Variants in STK39 observed in about 807,000 individuals in gnomAD.
The protein encoded by STK39 is STE20/SPS1-related proline-alanine-rich protein kinase.
In STK39, 20 loss-of-function variants were observed where a neutral mutation model predicts 77.8. The observed-to-expected ratio is 0.26, with a 90% confidence interval of 0.18 to 0.37. The LOEUF (loss-of-function observed/expected upper bound fraction) is 0.37. Among genes scored for constraint, STK39 ranks in the 10% least tolerant of loss-of-function variants. The pLI, the probability that STK39 is intolerant of heterozygous loss-of-function variation, is 1.00. For missense variants in STK39, 479 were observed against 656.5 expected, an observed-to-expected ratio of 0.73 and a Z score of 2.95; for synonymous variants, 246 against 234.1, an observed-to-expected ratio of 1.05 and a Z score of -0.47.
At chr2:168,153,306 C>T (rs889546864) in intron 5 of STK39, among the ~76,000 whole-genome samples, 1 of 152,154 alleles carries the variant, frequency 6.6e-6, no homozygotes, top group Non-Finnish European at 1.5e-5. Context: ...CCTGCTCTCA[C>T]GGAGCTGACT....
chr2:168,167,445 T>C, intron 2 of STK39, 38 bp from the exon 3 acceptor site: 3 of 1,580,258 alleles, frequency 1.9e-6, no homozygotes, highest in Non-Finnish European at 2.6e-6. Context: ...TACCATGGGG[T>C]GAAAATTGGC....
chr2:168,099,832 A>G (rs905177556), intron 10 of STK39, among the ~76,000 whole-genome samples: 7 of 151,542 alleles, frequency 4.6e-5, no homozygotes, highest in South Asian at 2.1e-4. Flanking sequence ...GAAAAAAACC[A>G]TAATAGGAGA....
In STK39 at chr2:168,181,981, T is replaced by C. The variant is rs200093879; in HGVS notation, c.318A>G (p.Leu106=). Residue 106 remains leucine (L), a synonymous_variant, in exon 2 of 18, where the codon CTA becomes CTG. Coordinates refer to ENST00000355999, the MANE Select transcript of STK39 (RefSeq NM_013233.3). ...TATTCCCTGCACTGTTACTTACTAA[T>C]AGTTCATCCATACTGGTCTGGCATT... The part of the protein sequence containing the change: ...LEKCQTSMDE[L]LKEIQAMSQC... 47 of 1,613,268 alleles carry C rather than the reference T, an allele frequency of 2.9e-5. No homozygotes were observed. The highest frequency in any genetic ancestry group is 4.0e-5 in the Non-Finnish European group (47 of 1,179,384).
intron 10 of STK39, among the ~76,000 whole-genome samples, chr2:168,115,140 G>T (rs1488907569): frequency 1.3e-5 from 2 of 152,118 alleles, no homozygotes; most frequent in African/African-American, 4.8e-5. Context: ...AGAACCACCA[G>T]AAGATCTGGA....
chr2:168,008,846 A>G (rs1417623213), intron 16 of STK39, among the ~76,000 whole-genome samples: 2 of 152,178 alleles, frequency 1.3e-5, no homozygotes, highest in Admixed American at 6.5e-5. Flanking sequence ...GGCATTGTCA[A>G]CTACGCCCAA....
chr2:168,013,255 T>G (rs887809987), intron 15 of STK39, among the ~76,000 whole-genome samples: 1 of 152,350 alleles, frequency 6.6e-6, no homozygotes, highest in South Asian at 2.1e-4. Flanking sequence ...AACAGATACA[T>G]TGTCTTAGAA....
At chr2:168,005,408 G>A (rs984910633) in intron 16 of STK39, among the ~76,000 whole-genome samples, 5 of 133,546 alleles carry the variant, frequency 3.7e-5, no homozygotes, top group African/African-American at 1.3e-4. Context: ...GTGGGAAAAC[G>A]CAGAGAGGAA....
chr2:168,228,760 G>A (rs561702551), intron 1 of STK39, among the ~76,000 whole-genome samples: 1 of 152,212 alleles, frequency 6.6e-6, no homozygotes, highest in East Asian at 1.9e-4. Context: ...TTGCACTCCA[G>A]CCTGGACAAG....
chr2:168,221,671 T>G (rs1328522844), intron 1 of STK39, among the ~76,000 whole-genome samples: 2 of 152,144 alleles, frequency 1.3e-5, no homozygotes, highest in Admixed American at 1.3e-4. Context: ...ACCAGAGAAT[T>G]ACCTCAAAGG....
chr2:168,172,000 G>T, intron 2 of STK39, among the ~76,000 whole-genome samples: 1 of 152,050 alleles, frequency 6.6e-6, no homozygotes, highest in South Asian at 2.1e-4. Context: ...TGGAAGCTTG[G>T]CCTTGCCATT....
rs145961759 is a variant in STK39 at position 168,026,978 on chromosome 2, T to C, written c.1377-9883A>G. Among the ~76,000 whole-genome samples, 72 of 152,258 alleles carry C rather than the reference T, an allele frequency of 4.7e-4. No individual in the cohort carries two copies. The East Asian group carries it at 0.013, about 27-fold the overall frequency. Reference sequence around the variant, plus strand: ...ACACACACACACACAAAATTCTAGATGGTAGATACATGTGCATTTATTACT... The same window carrying C: ...ACACACACACACACAAAATTCTAGACGGTAGATACATGTGCATTTATTACT... On this transcript the variant is annotated intron_variant, in intron 14 of 17. Coordinates refer to ENST00000355999, the MANE Select transcript of STK39 (RefSeq NM_013233.3).
In STK39 at chr2:168,163,676, A is replaced by C. The variant is rs533419803; in HGVS notation, c.572+63T>G. The C allele has an allele frequency of 8.5e-4, 1,364 of 1,609,614 alleles. 29 individuals carry two copies. Among genetic ancestry groups the C allele is most frequent in the Middle Eastern group, 7.4e-3 (39 of 5,286 alleles). ...TGACCGTTTCTGTGTAGACAGTCTA[A>C]GCCTTCCAAAACCTCTTTAAGATAT... On this transcript the variant is annotated intron_variant, in intron 4 of 17. Transcript: ENST00000355999.
intron 5 of STK39, among the ~76,000 whole-genome samples, chr2:168,153,997 A>C (rs574610891): frequency 6.6e-6 from 1 of 152,354 alleles, no homozygotes; most frequent in East Asian, 1.9e-4. Context: ...ACAGAGGGGC[A>C]AAGGCAGAAG....
chr2:168,203,677 C>A (rs1689667244), intron 1 of STK39, among the ~76,000 whole-genome samples: 1 of 152,218 alleles, frequency 6.6e-6, no homozygotes. Flanking sequence ...TCTGCAACCT[C>A]CGCCTCCTGG....
At chr2:168,048,415 CG>C (rs1685303474) in intron 14 of STK39, among the ~76,000 whole-genome samples, 1 of 151,998 alleles carries the variant, frequency 6.6e-6, no homozygotes, top group Admixed American at 6.5e-5. Flanking sequence ...GGTTTCACCA[CG>C]TTAGCCAGGA....
intron 3 of STK39, among the ~76,000 whole-genome samples, chr2:168,166,981 G>A (rs1372749556): frequency 2.0e-5 from 3 of 152,150 alleles, no homozygotes; most frequent in East Asian, 1.9e-4. Context: ...AGAGATGCAA[G>A]GCTGAGAAAG....
At chr2:168,188,939 T>C (rs2105646709) in intron 1 of STK39, among the ~76,000 whole-genome samples, 1 of 152,302 alleles carries the variant, frequency 6.6e-6, no homozygotes, top group East Asian at 1.9e-4. Flanking sequence ...CAAGACCATG[T>C]TTCTCAAGGC....
At chr2:168,241,372 C>A (rs1232748934) in intron 1 of STK39, among the ~76,000 whole-genome samples, 1 of 152,186 alleles carries the variant, frequency 6.6e-6, no homozygotes, top group African/African-American at 2.4e-5. Context: ...AAAGTGCAGT[C>A]CTAGCAGGTT....
chr2:168,183,583 G>A (rs1046437897), intron 1 of STK39, among the ~76,000 whole-genome samples: 1 of 152,094 alleles, frequency 6.6e-6, no homozygotes, highest in African/African-American at 2.4e-5. Context: ...GGCCTTGCTA[G>A]GAAAAAACTT....
Sources: gnomAD v4.1 joint callset for allele counts (sites outside exome capture counted in the v4.1 genomes callset) on GRCh38, gnomAD v4.1.1 for gene constraint, MANE v1.5 for transcripts, NCBI Gene and HGNC (gene_info 2026-07-23, HGNC 2026-07-21) for gene names.